The following QTMAN variants were observed in gnomAD, a reference collection of about 807,000 sequenced individuals.
QTMAN encodes queuosine-tRNA mannosyltransferase, also known as tRNA-queuosine alpha-mannosyltransferase.
chr2:144,169,430 T>C, the QTMAN span, among the ~76,000 whole-genome samples: 1 of 152,200 alleles, frequency 6.6e-6, no homozygotes, highest in African/African-American at 2.4e-5. Flanking sequence ...AAAAATATTT[T>C]TTTGCTGTAA....
the QTMAN span, among the ~76,000 whole-genome samples, chr2:143,982,851 C>A: frequency 4.8e-5 from 5 of 104,410 alleles, no homozygotes; most frequent in South Asian, 3.2e-4. Context: ...AAGACTCTGT[C>A]TCAAAAAAAA....
the QTMAN span, among the ~76,000 whole-genome samples, chr2:143,982,220 T>G: frequency 6.6e-6 from 1 of 151,794 alleles, no homozygotes; most frequent in Non-Finnish European, 1.5e-5. Flanking sequence ...ATTTCTTTTC[T>G]TTTTTCTTTC....
At chr2:144,222,283 T>C in the QTMAN span, among the ~76,000 whole-genome samples, 2 of 151,664 alleles carry the variant, frequency 1.3e-5, no homozygotes, top group Non-Finnish European at 1.5e-5. Flanking sequence ...ATGGTCTCGA[T>C]CTCCTGACCT....
At chr2:144,161,286 A>G in the QTMAN span, among the ~76,000 whole-genome samples, 7 of 152,194 alleles carry the variant, frequency 4.6e-5, no homozygotes, top group Non-Finnish European at 8.8e-5. Context: ...TGGAAATGAT[A>G]TATTTAATCG....
chr2:144,274,905 G>A, the QTMAN span, among the ~76,000 whole-genome samples: 1 of 152,100 alleles, frequency 6.6e-6, no homozygotes, highest in Non-Finnish European at 1.5e-5. Flanking sequence ...GTTGTAGGGA[G>A]CAGTACTGCG....
the QTMAN span, among the ~76,000 whole-genome samples, chr2:144,228,819 G>A: frequency 1.3e-5 from 2 of 152,122 alleles, no homozygotes; most frequent in Non-Finnish European, 2.9e-5. Flanking sequence ...TTAGCCGGGC[G>A]TGATGGCATG....
At chr2:144,108,899 A>G in the QTMAN span, among the ~76,000 whole-genome samples, 2 of 152,190 alleles carry the variant, frequency 1.3e-5, no homozygotes, top group Admixed American at 6.5e-5. Context: ...ACCACTACTC[A>G]AAGAAATAAA....
the QTMAN span, among the ~76,000 whole-genome samples, chr2:144,125,076 G>A: frequency 6.6e-6 from 1 of 152,126 alleles, no homozygotes; most frequent in East Asian, 1.9e-4. Context: ...CTTTTGCCAT[G>A]CCCATGGCAG....
At chr2:144,272,582 T>A in the QTMAN span, among the ~76,000 whole-genome samples, 2 of 152,166 alleles carry the variant, frequency 1.3e-5, no homozygotes, top group Non-Finnish European at 2.9e-5. Flanking sequence ...ATAAAACTGT[T>A]TGAATCATAC....
At chr2:144,019,702 A>G in the QTMAN span, among the ~76,000 whole-genome samples, 1 of 152,150 alleles carries the variant, frequency 6.6e-6, no homozygotes, top group Non-Finnish European at 1.5e-5. Context: ...ATGCTTCCTA[A>G]CTTGAGGGGT....
At chr2:144,007,475 G>A in the QTMAN span, 36 of 1,610,754 alleles carry the variant, frequency 2.2e-5, no homozygotes, top group African/African-American at 8.0e-5. Context: ...GAACCGCACC[G>A]CCATTTCCTT....
chr2:143,941,102 C>G, the QTMAN span: 11 of 152,162 alleles, frequency 7.2e-5, no homozygotes, highest in African/African-American at 2.7e-4. Flanking sequence ...TCAACCACAG[C>G]CTACTGAAAG....
the QTMAN span, among the ~76,000 whole-genome samples, chr2:144,135,034 T>C: frequency 6.6e-6 from 1 of 152,198 alleles, no homozygotes; most frequent in Non-Finnish European, 1.5e-5. Context: ...TGAATATGAT[T>C]TGAAGAAGAT....
chr2:144,196,057 AT>A, the QTMAN span, among the ~76,000 whole-genome samples: 1 of 151,982 alleles, frequency 6.6e-6, no homozygotes, highest in Admixed American at 6.6e-5. Flanking sequence ...AAGTGAGTTC[AT>A]TTTTTCTGTT....
chr2:144,190,262 T>C, the QTMAN span, among the ~76,000 whole-genome samples: 1 of 152,196 alleles, frequency 6.6e-6, no homozygotes, highest in African/African-American at 2.4e-5. Flanking sequence ...CTATTTTGTA[T>C]ATGGTTAAAG....
At chr2:144,310,350 G>C in the QTMAN span, among the ~76,000 whole-genome samples, 3 of 152,172 alleles carry the variant, frequency 2.0e-5, no homozygotes, top group African/African-American at 7.2e-5. Flanking sequence ...CCAAAAAAGA[G>C]GTTGCAAAGG....
At chr2:144,224,133 C>A in the QTMAN span, among the ~76,000 whole-genome samples, 13 of 152,184 alleles carry the variant, frequency 8.5e-5, no homozygotes, top group Non-Finnish European at 1.8e-4. Flanking sequence ...ACTGGATATG[C>A]TTGGCATTCA....
chr2:144,004,175 T>G, the QTMAN span, among the ~76,000 whole-genome samples: 1 of 151,952 alleles, frequency 6.6e-6, no homozygotes, highest in Non-Finnish European at 1.5e-5. Context: ...ACCCCCCTTT[T>G]CAAGCAGGGA....
chr2:144,013,188 T>C, the QTMAN span, among the ~76,000 whole-genome samples: 1 of 152,200 alleles, frequency 6.6e-6, no homozygotes, highest in Admixed American at 6.5e-5. Context: ...ATTATAAATA[T>C]GTTCATTCAT....
Sources: allele counts gnomAD v4.1 joint callset (sites outside exome capture counted in the v4.1 genomes callset), GRCh38; gene constraint gnomAD v4.1.1; transcripts MANE v1.5; gene names NCBI Gene and HGNC (gene_info 2026-07-23, HGNC 2026-07-21).